WDR59: variants seen among roughly 807,000 people sequenced by gnomAD.
The protein encoded by WDR59 is GATOR2 complex protein WDR59.
Under a neutral mutation model 131.2 loss-of-function variants are expected in WDR59, and 100 were observed. The ratio of observed to expected loss-of-function variants is 0.76; its 90% CI spans 0.65 to 0.90. WDR59 has a LOEUF of 0.90. Ranked by LOEUF, WDR59 falls within the 40% of genes least tolerant of loss-of-function variation. WDR59 has a pLI of 0.00. For missense variants in WDR59, 1,203 were observed against 1,262.2 expected, an observed-to-expected ratio of 0.95 and a Z score of 0.71; for synonymous variants, 601 against 466.2, an observed-to-expected ratio of 1.29 and a Z score of -3.72.
At chr16:74,882,707 G>A (rs1332563860) in intron 25 of WDR59, among the ~76,000 whole-genome samples, 1 of 150,850 alleles carries the variant, frequency 6.6e-6, no homozygotes, top group Non-Finnish European at 1.5e-5. Context: ...CACTTGGGGA[G>A]GTTGAGGTGT....
At chr16:74,955,989 T>C (rs2033271759) in intron 3 of WDR59, among the ~76,000 whole-genome samples, 3 of 151,976 alleles carry the variant, frequency 2.0e-5, no homozygotes, top group Admixed American at 2.0e-4. Context: ...AACAGGCACA[T>C]AGAATTTGAT....
At chr16:74,876,403 G>A (rs576210940) in intron 25 of WDR59, among the ~76,000 whole-genome samples, 65 of 152,252 alleles carry the variant, frequency 4.3e-4, no homozygotes, top group Non-Finnish European at 7.2e-4. Context: ...AACATTATGA[G>A]AATGTAAATA....
At position 74,942,796 on chromosome 16, in the gene WDR59, T is replaced by C. The variant is rs760284522; in HGVS notation, c.476A>G (p.Lys159Arg). The change falls in exon 7 of 26, where the codon AAA becomes AGA. Residue 159 changes from lysine to arginine, a missense_variant. Physicochemically the swap from Lys to Arg is conservative, Grantham distance 26. Coordinates refer to ENST00000262144, the MANE Select transcript of WDR59 (RefSeq NM_030581.4). The part of the protein sequence containing the change: ...AGASQVKWNK[K>R]NANCLATSHD... The stretch of plus-strand genomic sequence containing the variant: ...GCTGGTGGCAAGGCAGTTAGCATTT[T>C]TTTTATTCCATTTGACCTGGGAGGC... 3 of 1,612,726 alleles carry C rather than the reference T, an allele frequency of 1.9e-6. No individual in the cohort carries two copies. The highest frequency in any genetic ancestry group is 1.7e-5 in the Admixed American group (1 of 59,536).
chr16:74,885,421 C>T (rs1447099961), intron 25 of WDR59, among the ~76,000 whole-genome samples: 1 of 117,004 alleles, frequency 8.5e-6, no homozygotes, highest in Admixed American at 1.3e-4. Context: ...GCACTCCAGC[C>T]TGGGCAACAA....
chr16:74,945,215 G>C (rs923095540), intron 6 of WDR59, among the ~76,000 whole-genome samples: 1 of 151,690 alleles, frequency 6.6e-6, no homozygotes, highest in Non-Finnish European at 1.5e-5. Flanking sequence ...AGAGGCTCAC[G>C]CCTGTAATGC....
intron 13 of WDR59, among the ~76,000 whole-genome samples, chr16:74,912,938 G>T (rs1966172781): frequency 6.6e-6 from 1 of 152,186 alleles, no homozygotes; most frequent in South Asian, 2.1e-4. Context: ...TGCCCTGGGT[G>T]GGCCAGGTGT....
chr16:74,888,533 G>A (rs1597644831), intron 21 of WDR59, among the ~76,000 whole-genome samples: 3 of 152,210 alleles, frequency 2.0e-5, no homozygotes, highest in African/African-American at 7.2e-5. Context: ...AGGCATCCAC[G>A]TACTACAAAT....
intron 20 of WDR59, among the ~76,000 whole-genome samples, chr16:74,892,162 C>T (rs1474337734): frequency 6.6e-6 from 1 of 152,056 alleles, no homozygotes; most frequent in Non-Finnish European, 1.5e-5. Flanking sequence ...TAAAATGAAG[C>T]ATTTTAGAAA....
chr16:74,903,400 T>A (rs1199332501), intron 18 of WDR59, among the ~76,000 whole-genome samples: 1 of 152,130 alleles, frequency 6.6e-6, no homozygotes, highest in East Asian at 1.9e-4. Flanking sequence ...GGACAATGAG[T>A]TATTTAAGAA....
At chr16:74,965,284 G>C (rs758805324) in intron 2 of WDR59, among the ~76,000 whole-genome samples, 31 of 125,302 alleles carry the variant, frequency 2.5e-4, no homozygotes, top group Non-Finnish European at 4.5e-4. Flanking sequence ...AAAATTTTGA[G>C]CCAGAAGATG....
chr16:74,943,995 C>G (rs569865627), intron 6 of WDR59, among the ~76,000 whole-genome samples: 2 of 152,112 alleles, frequency 1.3e-5, no homozygotes, highest in African/African-American at 2.4e-5. Flanking sequence ...GTGGCTTCTT[C>G]GCACGGAAGG....
chr16:74,973,967 C>T (rs1300172079), intron 1 of WDR59, among the ~76,000 whole-genome samples: 17 of 152,028 alleles, frequency 1.1e-4, no homozygotes, highest in Admixed American at 5.9e-4. Flanking sequence ...GTCAAGAGTT[C>T]GAGACCAGCC....
At chr16:74,923,880 C>T in intron 9 of WDR59, 46 bp downstream of exon 9, 1 of 1,525,114 alleles carries the variant, frequency 6.6e-7, no homozygotes, top group East Asian at 2.3e-5. Context: ...CTTTTTGGAA[C>T]ACCCAAAAAG....
At chr16:74,943,974 A>G (rs1389051864) in intron 6 of WDR59, among the ~76,000 whole-genome samples, 2 of 152,142 alleles carry the variant, frequency 1.3e-5, no homozygotes, top group East Asian at 3.9e-4. Context: ...AGCAAGGAAG[A>G]GTATTAGGAG....
chr16:74,910,324 G>A (rs1355787293), intron 14 of WDR59, among the ~76,000 whole-genome samples: 3 of 152,108 alleles, frequency 2.0e-5, no homozygotes, highest in Non-Finnish European at 2.9e-5. Flanking sequence ...TGGGAGCCAG[G>A]TGCATGGTTA....
intron 8 of WDR59, chr16:74,930,622 C>T (rs536845054): frequency 6.6e-6 from 1 of 151,916 alleles, no homozygotes; most frequent in South Asian, 2.1e-4. Flanking sequence ...GCCAGGAACG[C>T]TGGCTCACTC....
chr16:74,919,421 C>T (rs2029944857), intron 10 of WDR59, among the ~76,000 whole-genome samples: 1 of 152,062 alleles, frequency 6.6e-6, no homozygotes, highest in Admixed American at 6.5e-5. Flanking sequence ...ACAACCTGCA[C>T]CTCCTGGTTC....
In WDR59 at chr16:74,916,227, A is replaced by T; in HGVS notation, c.999T>A (p.Asp333Glu). 1 of 1,614,130 alleles carries T rather than the reference A, an allele frequency of 6.2e-7. No homozygotes were observed. The change falls in exon 12 of 26, where the codon GAT becomes GAA. Residue 333 changes from aspartate to glutamate, a missense_variant. Coordinates refer to ENST00000262144, the MANE Select transcript of WDR59 (RefSeq NM_030581.4). Reference protein sequence around the residue: ...LCANDILDGVDEFIESISLLP... With the variant: ...LCANDILDGVEEFIESISLLP... The stretch of plus-strand genomic sequence containing the variant: ...GAAGGGAAATACTCTCAATGAACTC[A>T]TCAACACCATCTAATATGTCATTTG...
chr16:74,954,545 G>A (rs533028215), intron 3 of WDR59, among the ~76,000 whole-genome samples: 50 of 152,326 alleles, frequency 3.3e-4, no homozygotes, highest in African/African-American at 1.2e-3. Flanking sequence ...GTGCATTGCT[G>A]ATGGGAGTAT....
Sources: gnomAD v4.1 joint callset for allele counts (sites outside exome capture counted in the v4.1 genomes callset) on GRCh38, gnomAD v4.1.1 for gene constraint, MANE v1.5 for transcripts, NCBI Gene and HGNC (gene_info 2026-07-23, HGNC 2026-07-21) for gene names.